CDH23: variants seen among roughly 807,000 people sequenced by gnomAD.
CDH23 encodes the protein cadherin-23.
CDH23 carries 189 observed loss-of-function variants against 317.1 expected under a neutral mutation model. The observed-to-expected ratio is 0.60, with a 90% CI of 0.53 to 0.67. CDH23 has a LOEUF of 0.67. Ranked by LOEUF, CDH23 falls within the 30% of genes least tolerant of loss-of-function variation. The pLI is 0.00. For synonymous variants in CDH23, 1,839 were observed against 1,876.8 expected (o/e 0.98, Z 0.52); for missense variants, 4,401 against 4,592.4 (o/e 0.96, Z 1.20).
intron 1 of CDH23, among the ~76,000 whole-genome samples, chr10:71,425,371 A>AAGGAAGGAAGGAAGGAAG (rs370641849): frequency 7.3e-5 from 6 of 82,496 alleles, no homozygotes; most frequent in African/African-American, 2.8e-4. Context: ...AAGAGAGAGG[A>AAGGAAGGAAGGAAGGAAG]GAAGGAAGGA....
At chr10:71,593,977 C>T (rs553333342) in intron 9 of CDH23, among the ~76,000 whole-genome samples, 1 of 152,276 alleles carries the variant, frequency 6.6e-6, no homozygotes, top group African/African-American at 2.4e-5. Flanking sequence ...CCCATGCCTG[C>T]AGTCCTAGCT....
At position 71,677,845 on chromosome 10, in the gene CDH23, G is replaced by A. The variant is rs74145283; in HGVS notation, c.1752+152G>A. Among the ~76,000 whole-genome samples, 361 of 152,092 alleles carry A rather than the reference G, an allele frequency of 2.4e-3. 1 individual carries two copies. The highest frequency in any genetic ancestry group is 8.2e-3 in the African/African-American group (338 of 41,472). On this transcript the variant is annotated intron_variant, in intron 16 of 69. Transcript: ENST00000224721. The stretch of plus-strand genomic sequence containing the variant: ...CAGTGGTACAATCAGAGTTCATTGC[G>A]GCCCCAAACTCCTGGGCTCAAGCAA...
At position 71,397,144 on chromosome 10, in the gene CDH23, C is replaced by T; in HGVS notation, c.-180C>T. The T allele has an allele frequency of 1.1e-5, 2 of 185,560 alleles. No individual in the cohort carries two copies. The highest frequency in any genetic ancestry group is 2.2e-5 in the Non-Finnish European group (2 of 91,414). 11.5% of individuals were successfully genotyped at this position (185,560 alleles called of 1,614,324 possible). ...GAAGTTGCGAGCGGCGAGCGGCGAGCGGCGAGCGGCCCGCGGAGACCCAGG... is the reference window on the plus strand; with the variant it reads ...GAAGTTGCGAGCGGCGAGCGGCGAGTGGCGAGCGGCCCGCGGAGACCCAGG... On this transcript the variant is annotated 5_prime_UTR_variant, in exon 1 of 70. Transcript: ENST00000224721. The surrounding 1 kb of genome is among the most constrained non-coding windows in gnomAD (Gnocchi z 4.8).
At chr10:71,637,013 C>A (rs999932946) in intron 11 of CDH23, among the ~76,000 whole-genome samples, 1 of 152,102 alleles carries the variant, frequency 6.6e-6, no homozygotes, top group Non-Finnish European at 1.5e-5. Flanking sequence ...AGACTTAGCA[C>A]CCCCCTTAAT....
chr10:71,514,261 G>A (rs1271775175), intron 6 of CDH23, among the ~76,000 whole-genome samples: 1 of 152,214 alleles, frequency 6.6e-6, no homozygotes, highest in Non-Finnish European at 1.5e-5. Flanking sequence ...CTCTGCAATT[G>A]TGAATCAGTA....
intron 14 of CDH23, among the ~76,000 whole-genome samples, chr10:71,656,982 A>G (rs147137892): frequency 5.1e-4 from 78 of 152,336 alleles, no homozygotes; most frequent in Admixed American, 1.2e-3. Flanking sequence ...TGCAAGAAGC[A>G]GGGAAGGATG....
intron 1 of CDH23, among the ~76,000 whole-genome samples, chr10:71,431,772 CT>C (rs1417508968): frequency 6.6e-6 from 1 of 152,208 alleles, no homozygotes; most frequent in South Asian, 2.1e-4. Flanking sequence ...ATGTCCCCCC[CT>C]GCCTGCTAGG....
At chr10:71,596,440 C>G (rs1229863556) in intron 9 of CDH23, among the ~76,000 whole-genome samples, 1 of 152,164 alleles carries the variant, frequency 6.6e-6, no homozygotes, top group East Asian at 1.9e-4. Flanking sequence ...GTCATGACAA[C>G]CCTGTCATGT....
At chr10:71,483,705 C>T (rs1242438365) in intron 3 of CDH23, among the ~76,000 whole-genome samples, 3 of 152,204 alleles carry the variant, frequency 2.0e-5, no homozygotes, top group Admixed American at 2.0e-4. Context: ...TTTAATCCTC[C>T]TAGTGGCCTG....
intron 6 of CDH23, among the ~76,000 whole-genome samples, chr10:71,542,252 G>T (rs1297029530): frequency 6.6e-6 from 1 of 152,204 alleles, no homozygotes; most frequent in East Asian, 1.9e-4. Flanking sequence ...CCTGGGGTTG[G>T]ATCCCAGCTC....
chr10:71,814,694 A>AC (rs55889819), intron 69 of CDH23, among the ~76,000 whole-genome samples: 2 of 118,866 alleles, frequency 1.7e-5, no homozygotes, highest in South Asian at 2.9e-4. Flanking sequence ...ACACACACAC[A>AC]ATTTTCACAA....
At chr10:71,607,243 G>A (rs1860585307) in intron 9 of CDH23, among the ~76,000 whole-genome samples, 1 of 152,216 alleles carries the variant, frequency 6.6e-6, no homozygotes, top group African/African-American at 2.4e-5. Context: ...CCCACACACA[G>A]CTGCTTAATG....
rs1839639629 is a variant in CDH23 at position 71,738,665 on chromosome 10, A to C, written c.4359+18A>C. The C allele has an allele frequency of 9.3e-6, 15 of 1,610,830 alleles. No individual in the cohort carries two copies. Among genetic ancestry groups the C allele is most frequent in the South Asian group, 2.2e-5 (2 of 91,044 alleles). On this transcript the variant is annotated intron_variant, in intron 35 of 69. Coordinates refer to ENST00000224721, the MANE Select transcript of CDH23 (RefSeq NM_022124.6). ...ATGGGCAGGTGGGCCACCGAGTGAAACAGCCAGGATCCACCATGTCAGCGG... is the reference window on the plus strand; with the variant it reads ...ATGGGCAGGTGGGCCACCGAGTGAACCAGCCAGGATCCACCATGTCAGCGG...
intron 55 of CDH23, among the ~76,000 whole-genome samples, chr10:71,803,985 A>C (rs1402446271): frequency 1.2e-4 from 1 of 8,268 alleles, no homozygotes; most frequent in Non-Finnish European, 2.5e-4. Context: ...ACTTTGTCAA[A>C]AAAAAAAAAA....
At position 71,689,052 on chromosome 10, in the gene CDH23, GAT is replaced by G. The variant is rs1564733924; in HGVS notation, c.2059+1334_2059+1335del. 2.6e-4 allele frequency among the ~76,000 whole-genome samples: 37 copies of G among 142,082 alleles called. 2 individuals carry two copies. Among genetic ancestry groups the G allele is most frequent in the East Asian group, 8.4e-4 (4 of 4,784 alleles). The allele number at this position is 142,082 out of a possible 152,430, so 93.2% of individuals were successfully genotyped here. A position where few individuals can be genotyped will look rare whatever the true frequency, so the allele number is the denominator to read the frequency against. ...TGGAGTCAGGGGTGGTGGAGCCAGG[GAT>G]GGTGGAGCCAGGGGTGGTGGAGCCA... On this transcript the variant is annotated intron_variant, in intron 19 of 69. Transcript: ENST00000224721.
In CDH23 at chr10:71,778,724, C is replaced by G. The variant is rs190946691; in HGVS notation, c.5187+416C>G. 4.5e-3 allele frequency among the ~76,000 whole-genome samples: 691 copies of G among 152,316 alleles called. 3 individuals are homozygous for G. Among genetic ancestry groups the G allele is most frequent in the Admixed American group, 8.3e-3 (127 of 15,302 alleles). The stretch of plus-strand genomic sequence containing the variant: ...TAAATGAAACCACGTAAGACAACCA[C>G]AGTGCAGCAACAAATAGAAGTTTAT... On this transcript the variant is annotated intron_variant, in intron 40 of 69. Transcript: ENST00000224721.
chr10:71,814,745 CAAG>C lies in CDH23; in HGVS notation c.9739-203_9739-201del, dbSNP rs199540051. On this transcript the variant is annotated intron_variant, in intron 69 of 69. Coordinates refer to ENST00000224721, the MANE Select transcript of CDH23 (RefSeq NM_022124.6). ...ACACACACACACACACAGATTTTCA[CAAG>C]AAGCCAATCCTCCCAAGAACCCATC... is the stretch of plus-strand genomic sequence containing the variant. Among the ~76,000 whole-genome samples the C allele has an allele frequency of 5.2e-3, 786 of 152,202 alleles. 8 individuals carry two copies. Among genetic ancestry groups the C allele is most frequent in the African/African-American group, 0.016 (649 of 41,496 alleles).
rs749839796 is a variant in CDH23, at chr10:71,716,260, G to A, written c.3369+3447G>A. On this transcript the variant is annotated intron_variant, in intron 28 of 69. Coordinates refer to ENST00000224721, the MANE Select transcript of CDH23 (RefSeq NM_022124.6). Reference sequence around the variant, plus strand: ...GGTCAGTTGCCTCTGCAAGGGTCCCGGGAGTGACGGGAGCTGAGAGAAAGG... The same window carrying A: ...GGTCAGTTGCCTCTGCAAGGGTCCCAGGAGTGACGGGAGCTGAGAGAAAGG... 70 of 1,542,808 alleles carry A rather than the reference G, an allele frequency of 4.5e-5. No individual in the cohort carries two copies. The South Asian group carries it at 5.5e-4, about 12-fold the overall frequency.
rs1300171512 is a variant in CDH23 at position 71,709,184 on chromosome 10, G to T, written c.3193G>T (p.Ala1065Ser). The T allele has an allele frequency of 2.5e-6, 4 of 1,613,928 alleles. No homozygotes were observed. The South Asian group carries it at 4.4e-5, about 18-fold the overall frequency. ...GGGCCTGGACCGGGAGACCACAGCC[G>T]CCTACATGCTCATCCTGGAGGCCAT... ...VVGLDRETTA[A>S]YMLILEAIDN... is the part of the protein sequence containing the mutation. The change falls in exon 27 of 70, where the codon GCC becomes TCC. Residue 1065 changes from alanine to serine, a missense_variant. Ala to Ser is a moderately conservative substitution (Grantham distance 99, BLOSUM62 1). Coordinates refer to ENST00000224721, the MANE Select transcript of CDH23 (RefSeq NM_022124.6).
Sources: gnomAD v4.1 joint callset for allele counts (sites outside exome capture counted in the v4.1 genomes callset) on GRCh38, gnomAD v4.1.1 for gene constraint, Gnocchi (gnomAD v3.1) non-coding constraint, MANE v1.5 for transcripts, NCBI Gene and HGNC (gene_info 2026-07-23, HGNC 2026-07-21) for gene names.